ADARB1: variants seen among roughly 807,000 people sequenced by gnomAD.
The protein encoded by ADARB1 is adenosine deaminase RNA specific B1, also known as double-stranded RNA-specific editase 1.
A neutral mutation model predicts 52.4 loss-of-function variants in ADARB1; 10 were observed. That is an observed-to-expected ratio of 0.19 (90% CI 0.12 to 0.32). ADARB1 has a LOEUF of 0.32. Among genes scored for constraint, ADARB1 ranks in the 10% least tolerant of loss-of-function variants. The probability of loss-of-function intolerance (pLI) is 1.00; values close to 1 mark genes in which losing one functional copy is unlikely to be tolerated. For synonymous variants in ADARB1, 349 were observed against 371.1 expected (o/e 0.94, Z 0.68); for missense variants, 643 against 922.3 (o/e 0.70, Z 3.92).
chr21:45,093,062 C>A (rs2123692210), intron 1 of ADARB1, among the ~76,000 whole-genome samples: 1 of 152,240 alleles, frequency 6.6e-6, no homozygotes, highest in Non-Finnish European at 1.5e-5. Context: ...ATACCCCACC[C>A]CACCCCCAAA....
chr21:45,204,502 G>T lies in ADARB1; in HGVS notation c.1566-53G>T, dbSNP rs929900126. On this transcript the variant is annotated intron_variant, in intron 8 of 10. Transcript: ENST00000348831. This position sits in a 1 kb window ranked among gnomAD's most constrained non-coding sequence, Gnocchi z 4.4. ...TAACCACGCAGGCTTGGGCTGGGCT[G>T]CGTCGACACTGAGTCCGAGCTCCCT... The T allele has an allele frequency of 6.3e-7, 1 of 1,577,122 alleles. No homozygotes were observed. The highest frequency in any genetic ancestry group is 8.7e-7 in the Non-Finnish European group (1 of 1,154,696).
intron 1 of ADARB1, among the ~76,000 whole-genome samples, chr21:45,103,925 T>A (rs2087134016): frequency 1.3e-5 from 2 of 152,242 alleles, no homozygotes; most frequent in African/African-American, 4.8e-5. Flanking sequence ...CTAGTTTTCT[T>A]TGATTTCTTA....
At position 45,224,344 on chromosome 21, in the gene ADARB1, G is replaced by C; in HGVS notation, c.*2147G>C. 1 of 985,502 alleles carries C rather than the reference G, an allele frequency of 1.0e-6. No individual in the cohort carries two copies. The highest frequency in any genetic ancestry group is 1.2e-6 in the Non-Finnish European group (1 of 830,026). 61.0% of individuals were successfully genotyped at this position (985,502 alleles called of 1,614,324 possible). ...CCCAAATAAGTGAGTGCCTCACCTT[G>C]TGGGGCCTGAGCAGCTACCTTGAGA... On this transcript the variant is annotated 3_prime_UTR_variant, in exon 11 of 11. Transcript: ENST00000348831.
intron 2 of ADARB1, among the ~76,000 whole-genome samples, chr21:45,161,437 A>G (rs2090960807): frequency 6.6e-6 from 1 of 152,204 alleles, no homozygotes; most frequent in Non-Finnish European, 1.5e-5. Context: ...GAGCTGGGAC[A>G]CTGTCACAAC....
intron 2 of ADARB1, among the ~76,000 whole-genome samples, chr21:45,155,557 A>G (rs1487379976): frequency 6.6e-6 from 1 of 151,468 alleles, no homozygotes; most frequent in Non-Finnish European, 1.5e-5. Flanking sequence ...CCATCTGTTC[A>G]CTCATTTACC....
intron 2 of ADARB1, among the ~76,000 whole-genome samples, chr21:45,160,633 C>G (rs2090915225): frequency 6.6e-6 from 1 of 152,234 alleles, no homozygotes; most frequent in Non-Finnish European, 1.5e-5. Context: ...GTCTGGAATT[C>G]TTACTAAAAA....
At chr21:45,102,130 G>A (rs557360202) in intron 1 of ADARB1, among the ~76,000 whole-genome samples, 60 of 152,256 alleles carry the variant, frequency 3.9e-4, no homozygotes, top group African/African-American at 1.4e-3. Context: ...GGCGTCAAGC[G>A]ATCCTCCCTC....
intron 1 of ADARB1, among the ~76,000 whole-genome samples, chr21:45,090,478 C>G (rs2086518524): frequency 1.3e-5 from 2 of 152,042 alleles, no homozygotes; most frequent in Admixed American, 6.6e-5. Context: ...GTAGCATTTG[C>G]CAATTTCCAA....
chr21:45,135,582 A>G (rs1415745996), intron 2 of ADARB1, among the ~76,000 whole-genome samples: 3 of 152,262 alleles, frequency 2.0e-5, no homozygotes, highest in Admixed American at 2.0e-4. Flanking sequence ...AGCGGTAGAT[A>G]GACAGAGTAG....
At chr21:45,097,284 TG>T (rs1266795594) in intron 1 of ADARB1, among the ~76,000 whole-genome samples, 4 of 152,112 alleles carry the variant, frequency 2.6e-5, no homozygotes, top group African/African-American at 9.7e-5. Flanking sequence ...TTATGAGCTT[TG>T]GGGAAGCCTG....
Position 45,180,377 on chromosome 21 carries a change from C to G in ADARB1, c.1011C>G (p.Asp337Glu). Residue 337 changes from aspartate to glutamate, a missense_variant, in exon 5 of 11, where the codon GAC (aspartate) becomes GAG (glutamate). Asp to Glu is a conservative substitution (Grantham distance 45). Around this residue, in one of 2 missense-constraint regions of ADARB1, gnomAD observed 380 missense variants for 446.5 expected, o/e 0.85. Coordinates refer to ENST00000348831, the MANE Select transcript of ADARB1 (RefSeq NM_001112.4). ...VSRLVLGKFG[D>E]LTDNFSSPHA... is the part of the protein sequence containing the mutation. ...GCCTGGTCCTGGGTAAGTTTGGTGA[C>G]CTGACCGACAACTTCTCCTCCCCTC... is the stretch of plus-strand genomic sequence containing the variant. 6.2e-7 allele frequency: 1 copy of G among 1,614,166 alleles called. No homozygotes were observed. Among genetic ancestry groups the G allele is most frequent in the Admixed American group, 1.7e-5 (1 of 60,034 alleles).
intron 2 of ADARB1, among the ~76,000 whole-genome samples, chr21:45,139,526 G>A (rs2089591989): frequency 6.6e-6 from 1 of 152,128 alleles, no homozygotes; most frequent in East Asian, 1.9e-4. Flanking sequence ...AGCAGAGTGG[G>A]GAATGGAGTT....
chr21:45,180,329 G>A lies in ADARB1; in HGVS notation c.964-1G>A, dbSNP rs1015761312. 1 of 1,612,930 alleles carries A rather than the reference G, an allele frequency of 6.2e-7. No individual in the cohort carries two copies. Among genetic ancestry groups the A allele is most frequent in the Non-Finnish European group, 8.5e-7 (1 of 1,179,224 alleles). On this transcript the variant is annotated splice_acceptor_variant, in intron 4 of 10. Coordinates refer to ENST00000348831, the MANE Select transcript of ADARB1 (RefSeq NM_001112.4). LOFTEE classifies it high-confidence loss of function. ...AACCTGCATCTGTGCTTCCCACACA[G>A]GTTTTAGCTGACGCTGTCTCACGCC...
At chr21:45,106,204 T>TTA (rs1555887203) in intron 1 of ADARB1, among the ~76,000 whole-genome samples, 1 of 151,636 alleles carries the variant, frequency 6.6e-6, no homozygotes, top group Non-Finnish European at 1.5e-5. Flanking sequence ...TTTTTTTTTT[T>TTA]ATAGGTCCTT....
At chr21:45,137,747 G>A (rs559335367) in intron 2 of ADARB1, among the ~76,000 whole-genome samples, 10 of 152,238 alleles carry the variant, frequency 6.6e-5, no homozygotes, top group Non-Finnish European at 1.3e-4. Flanking sequence ...TGTGAGGAAA[G>A]TGGGGATGGA....
chr21:45,167,820 C>T (rs2091314985), intron 2 of ADARB1, among the ~76,000 whole-genome samples: 1 of 152,172 alleles, frequency 6.6e-6, no homozygotes, highest in African/African-American at 2.4e-5. Flanking sequence ...CTTATATGAA[C>T]GTAAGCCTTC....
intron 8 of ADARB1, among the ~76,000 whole-genome samples, chr21:45,189,243 T>A (rs2092211729): frequency 6.6e-6 from 1 of 152,190 alleles, no homozygotes; most frequent in Non-Finnish European, 1.5e-5. Context: ...CTCATTTCTT[T>A]TTGTGTATAT....
intron 2 of ADARB1, among the ~76,000 whole-genome samples, chr21:45,163,537 C>T (rs187629970): frequency 9.2e-5 from 14 of 152,174 alleles, no homozygotes; most frequent in Non-Finnish European, 1.8e-4. Context: ...ATCTCCCCCC[C>T]ACCTCCACCC....
At position 45,157,591 on chromosome 21, in the gene ADARB1, T is replaced by C. The variant is rs987318369; in HGVS notation, c.-47-14019T>C. On this transcript the variant is annotated intron_variant, in intron 2 of 10. Transcript: ENST00000348831. The surrounding 1 kb of genome is among the most constrained non-coding windows in gnomAD (Gnocchi z 4.1). ...TGTCTCCTTCAGCAGTTCATGTGGCTTTCTAAAGCTTGCCATTGCTTAGGC... is the reference window on the plus strand; with the variant it reads ...TGTCTCCTTCAGCAGTTCATGTGGCCTTCTAAAGCTTGCCATTGCTTAGGC... Among the ~76,000 whole-genome samples the C allele has an allele frequency of 6.6e-6, 1 of 152,204 alleles. No homozygotes were observed. The highest frequency in any genetic ancestry group is 2.4e-5 in the African/African-American group (1 of 41,450).
Sources: allele counts gnomAD v4.1 joint callset (sites outside exome capture counted in the v4.1 genomes callset), GRCh38; gene constraint gnomAD v4.1.1; regional missense constraint gnomAD v4.1.1; non-coding constraint Gnocchi (gnomAD v3.1); transcripts MANE v1.5; gene names NCBI Gene and HGNC (gene_info 2026-07-23, HGNC 2026-07-21).